Variants in STRBP observed in about 807,000 individuals in gnomAD.
STRBP encodes spermatid perinuclear RNA-binding protein.
A neutral mutation model predicts 80.1 loss-of-function variants in STRBP; 13 were observed. That is an observed-to-expected ratio of 0.16 (90% CI 0.11 to 0.26). The LOEUF (loss-of-function observed/expected upper bound fraction) is 0.26, where lower values mean the gene tolerates loss of function less well. STRBP is among the 10% of genes least tolerant of loss of function. STRBP has a pLI of 1.00. For missense variants in STRBP, 485 were observed against 815.2 expected (o/e 0.59, Z 4.93); for synonymous variants, 284 against 291.2 (o/e 0.98, Z 0.25).
intron 2 of STRBP, among the ~76,000 whole-genome samples, chr9:123,204,455 AC>A (rs1419368376): frequency 1.3e-5 from 2 of 152,180 alleles, no homozygotes; most frequent in Non-Finnish European, 2.9e-5. Context: ...ATTCCTTTAA[AC>A]CACGATCAAA....
At position 123,206,253 on chromosome 9, in the gene STRBP, T is replaced by C. The variant is rs547097923; in HGVS notation, c.-164-21955A>G. Among the ~76,000 whole-genome samples, 10 of 115,082 alleles carry C rather than the reference T, an allele frequency of 8.7e-5. No individual in the cohort carries two copies. In the South Asian group the frequency reaches 2.0e-3, roughly 23 times the overall value. 75.5% of individuals were successfully genotyped at this position (115,082 alleles called of 152,430 possible). A position where few individuals can be genotyped will look rare whatever the true frequency, so the allele number is the denominator to read the frequency against. On this transcript the variant is annotated intron_variant, in intron 2 of 18. Transcript: ENST00000348403. ...ATCAGTTAAAACTATTCCTTAAAAGTGTATGTTTTGCAATGTAATCATATT... is the reference window on the plus strand; with the variant it reads ...ATCAGTTAAAACTATTCCTTAAAAGCGTATGTTTTGCAATGTAATCATATT...
intron 13 of STRBP, among the ~76,000 whole-genome samples, chr9:123,146,027 ATC>A (rs1406295282): frequency 6.6e-6 from 1 of 151,322 alleles, no homozygotes; most frequent in Non-Finnish European, 1.5e-5. Context: ...TATCCCCAGT[ATC>A]TAGGATGGTG....
Position 123,115,206 on chromosome 9 carries a change from CTG to C in STRBP, c.*84+721_*84+722del, listed in dbSNP as rs1302006776. ...CACTCCCCAAGTGGGCACACTCTCT[CTG>C]TGCATGCATGCCAGGCCCGCCTCTG... On this transcript the variant is annotated intron_variant and NMD_transcript_variant, in intron 3 of 3. Coordinates refer to the STRBP transcript ENST00000471564. The surrounding 1 kb of genome is among the most constrained non-coding windows in gnomAD (Gnocchi z 5.0). The C allele has an allele frequency of 4.2e-6, 2 of 471,082 alleles. No individual in the cohort carries two copies. The highest frequency in any genetic ancestry group is 8.8e-6 in the Non-Finnish European group (2 of 227,038). 29.2% of individuals were successfully genotyped at this position (471,082 alleles called of 1,614,324 possible).
At chr9:123,118,781 T>C (rs1318371855), downstream of STRBP, among the ~76,000 whole-genome samples, 1 of 152,200 alleles carries the variant, frequency 6.6e-6, no homozygotes, top group Non-Finnish European at 1.5e-5. Flanking sequence ...CCAATCTATG[T>C]TCCCCACTTA....
intron 18 of STRBP, among the ~76,000 whole-genome samples, chr9:123,127,431 T>A (rs1208983091): frequency 1.3e-5 from 2 of 152,144 alleles, no homozygotes; most frequent in Non-Finnish European, 2.9e-5. Flanking sequence ...CATGCTCTCT[T>A]CTCTGACAAC....
chr9:123,124,283 G>A lies in STRBP; in HGVS notation c.*1314C>T. The A allele has an allele frequency of 2.0e-6, 2 of 985,358 alleles. No individual in the cohort carries two copies. The highest frequency in any genetic ancestry group is 2.4e-6 in the Non-Finnish European group (2 of 829,912). The allele number at this position is 985,358 out of a possible 1,614,324, so 61.0% of individuals were successfully genotyped here. A position where few individuals can be genotyped will look rare whatever the true frequency, so the allele number is the denominator to read the frequency against. The stretch of plus-strand genomic sequence containing the variant: ...CATGGTGCCTTATAAATATTGACAG[G>A]GGACCACACTGCTGCTCCTTCATGG... On this transcript the variant is annotated 3_prime_UTR_variant, in exon 19 of 19. Coordinates refer to ENST00000348403, the MANE Select transcript of STRBP (RefSeq NM_018387.5).
chr9:123,184,024 CA>C, intron 3 of STRBP, 107 bp downstream of exon 3: 2 of 1,147,678 alleles, frequency 1.7e-6, no homozygotes, highest in African/African-American at 1.5e-5. Flanking sequence ...ACACTAAAGC[CA>C]AAAATTAACA....
chr9:123,244,821 G>T (rs972611466), intron 1 of STRBP, among the ~76,000 whole-genome samples: 15 of 152,164 alleles, frequency 9.9e-5, no homozygotes, highest in Non-Finnish European at 1.8e-4. Context: ...CCAAAGAAAT[G>T]GAAAATTATG....
chr9:123,235,324 T>C (rs1388193511), intron 2 of STRBP, among the ~76,000 whole-genome samples: 2 of 150,190 alleles, frequency 1.3e-5, no homozygotes, highest in South Asian at 2.1e-4. Context: ...AATAAATCAA[T>C]ATGTGTATGT....
At chr9:123,190,077 C>G (rs1381128985) in intron 2 of STRBP, among the ~76,000 whole-genome samples, 4 of 151,994 alleles carry the variant, frequency 2.6e-5, no homozygotes, top group Admixed American at 1.3e-4. Flanking sequence ...GTCAGGAGTT[C>G]AAGGCCAGCC....
chr9:123,213,886 T>A (rs1416985868), intron 2 of STRBP: 2 of 143,546 alleles, frequency 1.4e-5, no homozygotes, highest in Non-Finnish European at 3.0e-5. Context: ...TGCGCCACTG[T>A]ACTCCAGCCA....
Position 123,122,460 on chromosome 9 carries a change from A to T in STRBP, c.*3137T>A. 1 of 1,214,920 alleles carries T rather than the reference A, an allele frequency of 8.2e-7. No homozygotes were observed. Among genetic ancestry groups the T allele is most frequent in the Non-Finnish European group, 1.0e-6 (1 of 960,420 alleles). 75.3% of individuals were successfully genotyped at this position (1,214,920 alleles called of 1,614,324 possible). A position where few individuals can be genotyped will look rare whatever the true frequency, so the allele number is the denominator to read the frequency against. On this transcript the variant is annotated 3_prime_UTR_variant, in exon 19 of 19. Transcript: ENST00000348403. ...AAAATTAAAAAAAAAAAAAAAAAGA[A>T]AAGGCCAATACCAGCAAAATCTCTC...
At chr9:123,231,652 T>C (rs995789389) in intron 2 of STRBP, among the ~76,000 whole-genome samples, 1 of 152,164 alleles carries the variant, frequency 6.6e-6, no homozygotes, top group Non-Finnish European at 1.5e-5. Flanking sequence ...AAGATTTTAC[T>C]ACCAAATTAT....
At chr9:123,203,810 A>G (rs2039416063) in intron 2 of STRBP, among the ~76,000 whole-genome samples, 1 of 152,216 alleles carries the variant, frequency 6.6e-6, no homozygotes, top group African/African-American at 2.4e-5. Context: ...TGTCTCTACT[A>G]AAATTACAAA....
intron 1 of STRBP, among the ~76,000 whole-genome samples, chr9:123,262,504 C>T (rs1037615366): frequency 6.6e-6 from 1 of 152,210 alleles, no homozygotes; most frequent in African/African-American, 2.4e-5. Context: ...GAATTTATTA[C>T]ACAACCTGCT....
At chr9:123,112,541 C>T (rs1226723223) in intron 3 of STRBP, 1 of 167,438 alleles carries the variant, frequency 6.0e-6, no homozygotes, top group African/African-American at 2.4e-5. Context: ...CTCCCTTCAA[C>T]GTGCCTAGAA....
intron 11 of STRBP, among the ~76,000 whole-genome samples, chr9:123,150,138 G>T (rs932005410): frequency 2.0e-5 from 3 of 152,152 alleles, no homozygotes; most frequent in African/African-American, 7.2e-5. Context: ...AACTACAAAA[G>T]TCTTAAGGCA....
chr9:123,215,895 A>G (rs182039342), intron 2 of STRBP, among the ~76,000 whole-genome samples: 1 of 152,356 alleles, frequency 6.6e-6, no homozygotes, highest in African/African-American at 2.4e-5. Flanking sequence ...TTATATTTCC[A>G]AAGCACAAAG....
intron 2 of STRBP, among the ~76,000 whole-genome samples, chr9:123,210,438 G>T (rs1340585747): frequency 6.6e-6 from 1 of 151,182 alleles, no homozygotes; most frequent in African/African-American, 2.4e-5. Flanking sequence ...AAAAAATCCA[G>T]GAGTAGGATA....
Sources: gnomAD v4.1 joint callset for allele counts (sites outside exome capture counted in the v4.1 genomes callset) on GRCh38, gnomAD v4.1.1 for gene constraint, Gnocchi (gnomAD v3.1) non-coding constraint, MANE v1.5 for transcripts, NCBI Gene and HGNC (gene_info 2026-07-23, HGNC 2026-07-21) for gene names.